Variants in RALGPS1 observed in about 807,000 individuals in gnomAD.
RALGPS1 encodes the protein ras-specific guanine nucleotide-releasing factor RalGPS1.
In RALGPS1, 19 loss-of-function variants were observed where a neutral mutation model predicts 78.8. That is an observed-to-expected ratio of 0.24 (90% CI 0.17 to 0.35). The LOEUF (loss-of-function observed/expected upper bound fraction) is 0.35, where lower values mean the gene tolerates loss of function less well. Among genes scored for constraint, RALGPS1 ranks in the 10% least tolerant of loss-of-function variants. RALGPS1 has a pLI of 1.00. For missense variants in RALGPS1, 454 were observed against 688.3 expected (o/e 0.66, Z 3.81); for synonymous variants, 228 against 256.3 (o/e 0.89, Z 1.06).
chr9:127,021,832 T>C (rs1184486950), intron 4 of RALGPS1, among the ~76,000 whole-genome samples: 1 of 152,148 alleles, frequency 6.6e-6, no homozygotes, highest in Non-Finnish European at 1.5e-5. Context: ...GGGCTCTTTC[T>C]CTGTCACGTG....
intron 8 of RALGPS1, chr9:127,107,996 G>A (rs1023306069): frequency 6.3e-7 from 1 of 1,592,746 alleles, no homozygotes; most frequent in Non-Finnish European, 8.6e-7. Context: ...TTCAGGTTCT[G>A]GTCACTCTGG....
chr9:126,975,824 C>G (rs1564345095), intron 3 of RALGPS1, among the ~76,000 whole-genome samples: 1 of 152,186 alleles, frequency 6.6e-6, no homozygotes, highest in Non-Finnish European at 1.5e-5. Context: ...TGGGTGGAAA[C>G]TGGAGGCGGA....
chr9:126,941,955 GGCTTAGT>G (rs941188824), intron 1 of RALGPS1, among the ~76,000 whole-genome samples: 4 of 152,036 alleles, frequency 2.6e-5, no homozygotes, highest in African/African-American at 9.7e-5. Context: ...TTGAACTCTG[GGCTTAGT>G]GCTTTACAAA....
rs1261198362 is a variant in RALGPS1 at position 127,205,793 on chromosome 9, G to A, written c.1248-6338G>A. The stretch of plus-strand genomic sequence containing the variant: ...TCCCAGGTTTACATGTGATAGTTTC[G>A]CCCAGCCACTGAGCCTCACTTTCAG... On this transcript the variant is annotated intron_variant, in intron 14 of 18. Coordinates refer to ENST00000259351, the MANE Select transcript of RALGPS1 (RefSeq NM_014636.3). This position sits in a 1 kb window ranked among gnomAD's most constrained non-coding sequence, Gnocchi z 4.0. Among the ~76,000 whole-genome samples, 3 of 152,142 alleles carry A rather than the reference G, an allele frequency of 2.0e-5. No homozygotes were observed. The highest frequency in any genetic ancestry group is 2.1e-4 in the South Asian group (1 of 4,826).
chr9:127,197,930 G>A (rs2277156), intron 13 of RALGPS1, among the ~76,000 whole-genome samples: 57,718 of 152,090 alleles, frequency 0.38, 12,458 homozygotes, highest in Admixed American at 0.55. Flanking sequence ...CCTGGGTTCT[G>A]AGGAATGCCC....
At chr9:127,215,608 G>T (rs1044015795) in intron 18 of RALGPS1, among the ~76,000 whole-genome samples, 6 of 152,148 alleles carry the variant, frequency 3.9e-5, no homozygotes, top group Non-Finnish European at 5.9e-5. Context: ...TGACTCCCCC[G>T]ATTGTCTGCT....
At chr9:127,028,570 G>A (rs953918555) in intron 4 of RALGPS1, among the ~76,000 whole-genome samples, 1 of 152,150 alleles carries the variant, frequency 6.6e-6, no homozygotes, top group African/African-American at 2.4e-5. Flanking sequence ...ACTGTCCAGG[G>A]ACTGCTGTCC....
intron 2 of RALGPS1, among the ~76,000 whole-genome samples, chr9:126,963,800 C>T (rs973577693): frequency 6.6e-6 from 1 of 152,188 alleles, no homozygotes; most frequent in Non-Finnish European, 1.5e-5. Context: ...GACTCTCGAG[C>T]CGGTGCTCCT....
chr9:126,974,446 C>T (rs1056038405), intron 3 of RALGPS1, among the ~76,000 whole-genome samples: 1 of 152,128 alleles, frequency 6.6e-6, no homozygotes, highest in Non-Finnish European at 1.5e-5. Context: ...CTGGAAGACC[C>T]TTACATTTAA....
intron 8 of RALGPS1, among the ~76,000 whole-genome samples, chr9:127,133,170 A>C (rs928608296): frequency 1.3e-5 from 2 of 152,214 alleles, no homozygotes; most frequent in Non-Finnish European, 2.9e-5. Flanking sequence ...GAGCCTGTGG[A>C]GAGAGCGGCG....
intron 8 of RALGPS1, among the ~76,000 whole-genome samples, chr9:127,084,545 G>A (rs2051504547): frequency 6.6e-6 from 1 of 152,132 alleles, no homozygotes; most frequent in Non-Finnish European, 1.5e-5. Flanking sequence ...TGTGCCCCTG[G>A]GCCTGAGTCA....
At chr9:127,141,639 AAGAAAG>A (rs2057788442) in intron 8 of RALGPS1, among the ~76,000 whole-genome samples, 1 of 150,668 alleles carries the variant, frequency 6.6e-6, no homozygotes, top group Non-Finnish European at 1.5e-5. Context: ...AAAAAAAAAA[AAGAAAG>A]AAAGAAACTG....
intron 11 of RALGPS1, among the ~76,000 whole-genome samples, chr9:127,176,358 C>T (rs1182299764): frequency 3.9e-5 from 6 of 152,176 alleles, no homozygotes; most frequent in Non-Finnish European, 7.3e-5. Context: ...CCTTCCCCCT[C>T]GGTCAGCATT....
intron 1 of RALGPS1, among the ~76,000 whole-genome samples, chr9:126,940,492 T>A (rs1331018321): frequency 1.4e-5 from 2 of 146,564 alleles, no homozygotes; most frequent in African/African-American, 5.0e-5. Context: ...TAGGCTGGAG[T>A]GCAGTGGCGC....
intron 5 of RALGPS1, among the ~76,000 whole-genome samples, chr9:127,035,493 G>C (rs1172658852): frequency 6.6e-6 from 1 of 152,136 alleles, no homozygotes; most frequent in African/African-American, 2.4e-5. Flanking sequence ...TTATTTTTCT[G>C]GTTTCAAATG....
chr9:127,213,006 C>T lies in RALGPS1; in HGVS notation c.1509C>T (p.Asp503=), dbSNP rs1325484236. 1.2e-6 allele frequency: 2 copies of T among 1,614,224 alleles called. No homozygotes were observed. Among genetic ancestry groups the T allele is most frequent in the Admixed American group, 3.3e-5 (2 of 60,024 alleles). Residue 503 remains aspartate, a synonymous_variant, in exon 17 of 19, where the codon GAC becomes GAT. Coordinates refer to ENST00000259351, the MANE Select transcript of RALGPS1 (RefSeq NM_014636.3). ...IVGWMVQLPD[D]PEHPDIFQLN... is the part of the protein sequence containing the mutation. ...GCTGGATGGTGCAGCTGCCCGATGA[C>T]CCCGAGCACCCAGATATCTTCCAGC...
At chr9:127,216,601 C>T (rs769143505) in intron 18 of RALGPS1, among the ~76,000 whole-genome samples, 6 of 152,182 alleles carry the variant, frequency 3.9e-5, no homozygotes, top group Non-Finnish European at 7.3e-5. Flanking sequence ...AGATGATACA[C>T]AAGAAATGGT....
chr9:127,114,206 A>G (rs150485548), intron 8 of RALGPS1, among the ~76,000 whole-genome samples: 407 of 152,292 alleles, frequency 2.7e-3, no homozygotes, highest in Non-Finnish European at 4.6e-3. Flanking sequence ...ACTCACATTC[A>G]TAGTCTTTAT....
Position 127,222,705 on chromosome 9 carries a change from G to A in RALGPS1, c.*3936G>A, listed in dbSNP as rs1035882108. ...TGAACGACTGTGACTATTCAGTAAC[G>A]AAGTAATAGTAATTAATTAGTATGG... On this transcript the variant is annotated 3_prime_UTR_variant, in exon 19 of 19. Coordinates refer to ENST00000259351, the MANE Select transcript of RALGPS1 (RefSeq NM_014636.3). The A allele has an allele frequency of 6.6e-6, 1 of 152,576 alleles. No individual in the cohort carries two copies. The highest frequency in any genetic ancestry group is 2.4e-5 in the African/African-American group (1 of 41,424). 9.5% of individuals were successfully genotyped at this position (152,576 alleles called of 1,614,324 possible).
Sources: gnomAD v4.1 joint callset for allele counts (sites outside exome capture counted in the v4.1 genomes callset) on GRCh38, gnomAD v4.1.1 for gene constraint, Gnocchi (gnomAD v3.1) non-coding constraint, MANE v1.5 for transcripts, NCBI Gene and HGNC (gene_info 2026-07-23, HGNC 2026-07-21) for gene names.